UPK2: variants seen among roughly 807,000 people sequenced by gnomAD.
The protein encoded by UPK2 is uroplakin-2.
In UPK2, 19 loss-of-function variants were observed where a neutral mutation model predicts 14.8. That is an observed-to-expected ratio of 1.29 (90% CI 0.90 to 1.89). The LOEUF is 1.89. Among genes scored for constraint, UPK2 ranks in the 40% most tolerant of loss-of-function variants. UPK2 has a pLI of 0.00. For synonymous variants in UPK2, 102 were observed against 101.6 expected, an observed-to-expected ratio of 1.00 and a Z score of -0.02; for missense variants, 232 against 236.0, an observed-to-expected ratio of 0.98 and a Z score of 0.11.
Position 118,958,052 on chromosome 11 carries a change from TG to T in UPK2, c.419-40del, listed in dbSNP as rs775684802. On this transcript the variant is annotated intron_variant, in intron 4 of 4. Transcript: ENST00000264031. The surrounding 1 kb of genome is among the most constrained non-coding windows in gnomAD (Gnocchi z 4.6). Reference sequence around the variant, plus strand: ...GTGAGGCCGTGAGCCTCAGGCAGGCTGGGGGTCTCTCCCGCCCACAGTGGTC... The same window carrying T: ...GTGAGGCCGTGAGCCTCAGGCAGGCTGGGGTCTCTCCCGCCCACAGTGGTC... 2.5e-6 allele frequency: 4 copies of T among 1,577,158 alleles called. No homozygotes were observed. The highest frequency in any genetic ancestry group is 3.5e-6 in the Non-Finnish European group (4 of 1,156,896).
Position 118,957,211 on chromosome 11 carries a change from T to G in UPK2, c.212T>G (p.Val71Gly). ...CCCTCCCGCCACTTCTGCCCAGTGG[T>G]GACGTCCAGCTTTGTGGTGCCTCCG... ...MVRRANDSKV[V>G]TSSFVVPPCR... Residue 71 changes from valine to glycine, a missense_variant, in exon 3 of 5, where the codon GTG becomes GGG. Transcript: ENST00000264031. 1 of 1,614,026 alleles carries G rather than the reference T, an allele frequency of 6.2e-7. No homozygotes were observed. Among genetic ancestry groups the G allele is most frequent in the Non-Finnish European group, 8.5e-7 (1 of 1,179,942 alleles).
In UPK2 at chr11:118,956,706, T is replaced by A. The variant is rs1941565103; in HGVS notation, c.77-177T>A. 6.6e-6 allele frequency among the ~76,000 whole-genome samples: 1 copy of A among 152,074 alleles called. No individual in the cohort carries two copies. Among genetic ancestry groups the A allele is most frequent in the Non-Finnish European group, 1.5e-5 (1 of 68,014 alleles). ...GGTTCTGGCTCTGGGGACCGCTTGG[T>A]GGAGGGTGCAGCTTCTGCAGCCCAA... On this transcript the variant is annotated intron_variant, in intron 1 of 4. Transcript: ENST00000264031. The surrounding 1 kb of genome is among the most constrained non-coding windows in gnomAD (Gnocchi z 4.1).
rs150689610 is a variant in UPK2 at position 118,957,647 on chromosome 11, A to G, written c.397A>G (p.Ile133Val). 6.2e-7 allele frequency: 1 copy of G among 1,613,972 alleles called. No homozygotes were observed. The highest frequency in any genetic ancestry group is 1.3e-5 in the African/African-American group (1 of 74,888). The change falls in exon 4 of 5, where the codon ATC (isoleucine) becomes GTC (valine). Residue 133 changes from isoleucine (I) to valine (V), a missense_variant. Physicochemically the swap from Ile to Val is conservative, Grantham distance 29. Transcript: ENST00000264031. ...GACAGCCACTGAGTCCAGCAGAGAG[A>G]TCCCAATGTCCACACTCCCTCGTAA... is the stretch of plus-strand genomic sequence containing the variant. ...KGTATESSRE[I>V]PMSTLPRRNM... is the part of the protein sequence containing the mutation.
chr11:118,956,394 T>A lies in UPK2; in HGVS notation c.44T>A (p.Ile15Asn). The A allele has an allele frequency of 6.2e-7, 1 of 1,610,722 alleles. No homozygotes were observed. The highest frequency in any genetic ancestry group is 1.1e-5 in the South Asian group (1 of 91,080). Residue 15 changes from isoleucine (I) to asparagine (N), a missense_variant, in exon 1 of 5, where the codon ATT (isoleucine) becomes AAT (asparagine). By Grantham distance (149) the Ile-to-Asn change is moderately radical (BLOSUM62 -3). Transcript: ENST00000264031. This position sits in a 1 kb window ranked among gnomAD's most constrained non-coding sequence, Gnocchi z 4.1. The stretch of plus-strand genomic sequence containing the variant: ...ATCCGGACCTTGCCCTTGATCCTGA[T>A]TCTGCTGGCTCTGCTGTCCCCAGGG... The part of the protein sequence containing the change: ...LPIRTLPLIL[I>N]LLALLSPGAA...
Position 118,956,461 on chromosome 11 carries a change from C to A in UPK2, c.76+35C>A. Reference sequence around the variant, plus strand: ...ATCTCTGGCAGGGGTGGGAAGGGGGCTGGGGGCCTGGACAGGGAGCACTGT... The same window carrying A: ...ATCTCTGGCAGGGGTGGGAAGGGGGATGGGGGCCTGGACAGGGAGCACTGT... On this transcript the variant is annotated intron_variant, in intron 1 of 4. Coordinates refer to ENST00000264031, the MANE Select transcript of UPK2 (RefSeq NM_006760.4). The surrounding 1 kb of genome is among the most constrained non-coding windows in gnomAD (Gnocchi z 4.1). 2 of 1,409,198 alleles carry A rather than the reference C, an allele frequency of 1.4e-6. No homozygotes were observed. Among genetic ancestry groups the A allele is most frequent in the Non-Finnish European group, 2.0e-6 (2 of 1,008,080 alleles). The allele number at this position is 1,409,198 out of a possible 1,614,324, so 87.3% of individuals were successfully genotyped here.
rs539455136 is a variant in UPK2, at chr11:118,958,368, A to G, written c.*135A>G. Reference sequence around the variant, plus strand: ...TCCTCCTCCTGCCCTCCTCTCCCCTAGAGCCCTCTCCTCCCTCTGTCCCTC... The same window carrying G: ...TCCTCCTCCTGCCCTCCTCTCCCCTGGAGCCCTCTCCTCCCTCTGTCCCTC... On this transcript the variant is annotated 3_prime_UTR_variant, in exon 5 of 5. Transcript: ENST00000264031. This position sits in a 1 kb window ranked among gnomAD's most constrained non-coding sequence, Gnocchi z 4.6. The G allele has an allele frequency of 3.6e-4, 365 of 1,021,290 alleles. 13 individuals are homozygous for G. The South Asian group carries it at 5.5e-3, about 15-fold the overall frequency. The allele number at this position is 1,021,290 out of a possible 1,614,324, so 63.3% of individuals were successfully genotyped here.
rs1274647472 is a variant in UPK2, at chr11:118,958,488, C to T, written c.*255C>T. The T allele has an allele frequency of 4.2e-6, 2 of 481,464 alleles. No individual in the cohort carries two copies. Among genetic ancestry groups the T allele is most frequent in the Non-Finnish European group, 7.5e-6 (2 of 266,512 alleles). The allele number at this position is 481,464 out of a possible 1,614,324, so 29.8% of individuals were successfully genotyped here. A position where few individuals can be genotyped will look rare whatever the true frequency, so the allele number is the denominator to read the frequency against. On this transcript the variant is annotated 3_prime_UTR_variant, in exon 5 of 5. Coordinates refer to ENST00000264031, the MANE Select transcript of UPK2 (RefSeq NM_006760.4). The surrounding 1 kb of genome is among the most constrained non-coding windows in gnomAD (Gnocchi z 4.6). ...TTTCCTCCCATTTTACCACTTTAAA[C>T]ACCCCCATAACAATTCCCCCATCCT...
In UPK2 at chr11:118,956,659, G is replaced by A. The variant is rs937990598; in HGVS notation, c.77-224G>A. Among the ~76,000 whole-genome samples, 2 of 152,136 alleles carry A rather than the reference G, an allele frequency of 1.3e-5. No homozygotes were observed. Among genetic ancestry groups the A allele is most frequent in the Admixed American group, 6.5e-5 (1 of 15,274 alleles). On this transcript the variant is annotated intron_variant, in intron 1 of 4. Transcript: ENST00000264031. The surrounding 1 kb of genome is among the most constrained non-coding windows in gnomAD (Gnocchi z 4.1). ...GCTGCGGGGAGGGGTGAGGTTGGGCGCTGCCCGACTCCTGGCATCCAGGTT... is the reference window on the plus strand; with the variant it reads ...GCTGCGGGGAGGGGTGAGGTTGGGCACTGCCCGACTCCTGGCATCCAGGTT...
At position 118,957,607 on chromosome 11, in the gene UPK2, C is replaced by A; in HGVS notation, c.357C>A (p.Tyr119Ter). The change falls in exon 4 of 5, where the codon TAC (tyrosine) becomes TAA (stop). Residue 119 changes from tyrosine to a stop codon, truncating the protein, a stop_gained. Transcript: ENST00000264031. LOFTEE classifies it high-confidence loss of function. ...LVPGTKFYIS[Y>*]LVKKGTATES... ...TCCCAAACCACAAAAGCATTTCCTA[C>A]CTAGTGAAGAAGGGGACAGCCACTG... The A allele has an allele frequency of 1.2e-6, 2 of 1,614,176 alleles. No homozygotes were observed. Among genetic ancestry groups the A allele is most frequent in the Non-Finnish European group, 1.7e-6 (2 of 1,180,028 alleles).
chr11:118,956,845 G>T lies in UPK2; in HGVS notation c.77-38G>T. 6.2e-7 allele frequency: 1 copy of T among 1,612,694 alleles called. No individual in the cohort carries two copies. Among genetic ancestry groups the T allele is most frequent in the Non-Finnish European group, 8.5e-7 (1 of 1,179,396 alleles). On this transcript the variant is annotated intron_variant, in intron 1 of 4. Coordinates refer to ENST00000264031, the MANE Select transcript of UPK2 (RefSeq NM_006760.4). The surrounding 1 kb of genome is among the most constrained non-coding windows in gnomAD (Gnocchi z 4.1). ...GGGCCAGATCTGTTGGCCAGGAGGG[G>T]TCAGTCCCCATCGGAGCTCCCTCCT...
chr11:118,957,496 G>A (rs562031934), intron 3 of UPK2, 102 bp from the exon 4 acceptor site: 1 of 1,548,448 alleles, frequency 6.5e-7, no homozygotes, highest in East Asian at 2.2e-5. Flanking sequence ...GTGCACATAG[G>A]GGAGACACAG....
chr11:118,958,384 T>C lies in UPK2; in HGVS notation c.*151T>C. The C allele has an allele frequency of 4.8e-6, 4 of 834,158 alleles. No individual in the cohort carries two copies. Among genetic ancestry groups the C allele is most frequent in the Non-Finnish European group, 7.2e-6 (4 of 554,924 alleles). 51.7% of individuals were successfully genotyped at this position (834,158 alleles called of 1,614,324 possible). A position where few individuals can be genotyped will look rare whatever the true frequency, so the allele number is the denominator to read the frequency against. ...CTCTCCCCTAGAGCCCTCTCCTCCC[T>C]CTGTCCCTCTCCTTGCCCCCAGTGC... On this transcript the variant is annotated 3_prime_UTR_variant, in exon 5 of 5. Transcript: ENST00000264031. This position sits in a 1 kb window ranked among gnomAD's most constrained non-coding sequence, Gnocchi z 4.6.
rs756431588 is a variant in UPK2, at chr11:118,958,221, C to T, written c.543C>T (p.Gly181=). ...VLGFIIALAL[G]SRK The stretch of plus-strand genomic sequence containing the variant: ...GCTTCATCATTGCCCTGGCACTGGG[C>T]TCCCGCAAGTAAGGAGGTCTGCCCG... Residue 181 remains glycine, a synonymous_variant, in exon 5 of 5, where the codon GGC becomes GGT. Transcript: ENST00000264031. The surrounding 1 kb of genome is among the most constrained non-coding windows in gnomAD (Gnocchi z 4.6). 3.1e-6 allele frequency: 5 copies of T among 1,613,220 alleles called. No individual in the cohort carries two copies. The highest frequency in any genetic ancestry group is 3.3e-4 in the Middle Eastern group (2 of 6,052).
At position 118,958,085 on chromosome 11, in the gene UPK2, C is replaced by G. The variant is rs766647140; in HGVS notation, c.419-12C>G. The G allele has an allele frequency of 9.3e-6, 15 of 1,608,874 alleles. No individual in the cohort carries two copies. The East Asian group carries it at 3.4e-4, about 36-fold the overall frequency. On this transcript the variant is annotated splice_polypyrimidine_tract_variant and intron_variant, in intron 4 of 4. Coordinates refer to ENST00000264031, the MANE Select transcript of UPK2 (RefSeq NM_006760.4). The surrounding 1 kb of genome is among the most constrained non-coding windows in gnomAD (Gnocchi z 4.6). Reference sequence around the variant, plus strand: ...TCTCCCGCCCACAGTGGTCTCCCCTCTCTTTTGACAGGAAGGAACATGGAA... The same window carrying G: ...TCTCCCGCCCACAGTGGTCTCCCCTGTCTTTTGACAGGAAGGAACATGGAA...
chr11:118,957,114 G>A (rs547440057), intron 2 of UPK2, 94 bp from the exon 3 acceptor site: 154 of 1,605,410 alleles, frequency 9.6e-5, no homozygotes, highest in Admixed American at 5.9e-4. Flanking sequence ...CTGTCCACCC[G>A]TCTCCTGGGG....
rs1360179652 is a variant in UPK2 at position 118,958,310 on chromosome 11, C to T, written c.*77C>T. 18 of 1,495,160 alleles carry T rather than the reference C, an allele frequency of 1.2e-5. No individual in the cohort carries two copies. The East Asian group carries it at 3.6e-4, about 29-fold the overall frequency. The allele number at this position is 1,495,160 out of a possible 1,614,324, so 92.6% of individuals were successfully genotyped here. A position where few individuals can be genotyped will look rare whatever the true frequency, so the allele number is the denominator to read the frequency against. ...GCTCCCCAGCCCACCTGCTCCCAGG[C>T]CCCAGGCCTGTGGCTCCCTTGGTGC... On this transcript the variant is annotated 3_prime_UTR_variant, in exon 5 of 5. Coordinates refer to ENST00000264031, the MANE Select transcript of UPK2 (RefSeq NM_006760.4). The surrounding 1 kb of genome is among the most constrained non-coding windows in gnomAD (Gnocchi z 4.6).
At position 118,957,635 on chromosome 11, in the gene UPK2, T is replaced by G; in HGVS notation, c.385T>G (p.Ser129Ala). The change falls in exon 4 of 5, where the codon TCC (serine) becomes GCC (alanine). Residue 129 changes from serine (S) to alanine (A), a missense_variant. Ser to Ala is a moderately conservative substitution (Grantham distance 99, BLOSUM62 1). Transcript: ENST00000264031. ...AGTGAAGAAGGGGACAGCCACTGAG[T>G]CCAGCAGAGAGATCCCAATGTCCAC... ...YLVKKGTATE[S>A]SREIPMSTLP... The G allele has an allele frequency of 6.2e-7, 1 of 1,613,930 alleles. No homozygotes were observed. The highest frequency in any genetic ancestry group is 8.5e-7 in the Non-Finnish European group (1 of 1,179,972).
chr11:118,956,744 G>A lies in UPK2; in HGVS notation c.77-139G>A. The A allele has an allele frequency of 8.4e-7, 1 of 1,191,722 alleles. No individual in the cohort carries two copies. The highest frequency in any genetic ancestry group is 1.2e-6 in the Non-Finnish European group (1 of 856,198). 73.8% of individuals were successfully genotyped at this position (1,191,722 alleles called of 1,614,324 possible). ...TTCTGCAGCCCAAGCCTGCCACCTG[G>A]TGGTCATACTGGCACAGGCCTGGCT... On this transcript the variant is annotated intron_variant, in intron 1 of 4. Coordinates refer to ENST00000264031, the MANE Select transcript of UPK2 (RefSeq NM_006760.4). This position sits in a 1 kb window ranked among gnomAD's most constrained non-coding sequence, Gnocchi z 4.1.
chr11:118,957,777 C>CG, intron 4 of UPK2, 109 bp downstream of exon 4: 1 of 1,304,740 alleles, frequency 7.7e-7, no homozygotes, highest in East Asian at 2.4e-5. Flanking sequence ...CGTGCGCCCT[C>CG]GGGGCCCCTG....
Sources: gnomAD v4.1 joint callset for allele counts (sites outside exome capture counted in the v4.1 genomes callset) on GRCh38, gnomAD v4.1.1 for gene constraint, Gnocchi (gnomAD v3.1) non-coding constraint, MANE v1.5 for transcripts, NCBI Gene and HGNC (gene_info 2026-07-23, HGNC 2026-07-21) for gene names.